The following AHI1 variants were observed in gnomAD, a reference collection of about 807,000 sequenced individuals.
AHI1 encodes the protein jouberin.
AHI1 carries 123 observed loss-of-function variants against 149.3 expected under a neutral mutation model. The observed-to-expected ratio is 0.82, with a 90% CI of 0.71 to 0.96. The LOEUF is 0.96. AHI1 is among the 40% of genes least tolerant of loss of function. AHI1 has a pLI of 0.00. For synonymous variants in AHI1, 475 were observed against 459.8 expected (o/e 1.03, Z -0.42); for missense variants, 1,439 against 1,422.7 (o/e 1.01, Z -0.18).
chr6:135,411,428 A>G lies in AHI1; in HGVS notation c.2881T>C (p.Phe961Leu). 1 of 1,613,834 alleles carries G rather than the reference A, an allele frequency of 6.2e-7. No homozygotes were observed. The highest frequency in any genetic ancestry group is 8.5e-7 in the Non-Finnish European group (1 of 1,179,766). ...TCPKLPHQGS[F>L]QIDEFVHTES... ...GTGTGGACAAATTCATCAATCTGAA[A>G]AGAGCCTTGATGGGGTAGTTTTGGA... is the stretch of plus-strand genomic sequence containing the variant. Residue 961 changes from phenylalanine to leucine, a missense_variant, in exon 21 of 29, where the codon TTT becomes CTT. Transcript: ENST00000265602.
At chr6:135,375,843 G>C (rs1775832137) in intron 23 of AHI1, among the ~76,000 whole-genome samples, 1 of 152,142 alleles carries the variant, frequency 6.6e-6, no homozygotes, top group Non-Finnish European at 1.5e-5. Context: ...AATAGTATCA[G>C]AGTTCTTTGG....
At chr6:135,285,971 T>C (rs1457425626) in intron 28 of AHI1, among the ~76,000 whole-genome samples, 1 of 152,122 alleles carries the variant, frequency 6.6e-6, no homozygotes. Flanking sequence ...CTTCCAGAAA[T>C]GAAGAGCAGG....
rs554716659 is a variant in AHI1 at position 135,344,373 on chromosome 6, T to C, written c.3165+13759A>G. On this transcript the variant is annotated intron_variant, in intron 24 of 28. Transcript: ENST00000265602. ...TAATTAGCTACAAATAATATAAATA[T>C]ATTTACATTAAAAATTTATATATAT... Among the ~76,000 whole-genome samples the C allele has an allele frequency of 1.8e-3, 279 of 151,064 alleles. 1 individual carries two copies. Among genetic ancestry groups the C allele is most frequent in the African/African-American group, 6.6e-3 (271 of 41,364 alleles).
chr6:135,436,106 C>T (rs1292002717), intron 15 of AHI1, among the ~76,000 whole-genome samples: 6 of 152,058 alleles, frequency 3.9e-5, no homozygotes, highest in Admixed American at 2.6e-4. Context: ...AAAAGGTGTG[C>T]GCTAGAAGTC....
intron 14 of AHI1, among the ~76,000 whole-genome samples, chr6:135,442,084 T>C (rs1244639207): frequency 6.6e-6 from 1 of 152,122 alleles, no homozygotes; most frequent in African/African-American, 2.4e-5. Context: ...ATGCTCACTT[T>C]AGAATGTCTC....
intron 26 of AHI1, among the ~76,000 whole-genome samples, chr6:135,310,783 T>C (rs1785092503): frequency 6.6e-6 from 1 of 152,212 alleles, no homozygotes; most frequent in Non-Finnish European, 1.5e-5. Context: ...TGCATACTTA[T>C]TACTGTACAT....
chr6:135,364,760 C>T (rs560440055), intron 23 of AHI1, among the ~76,000 whole-genome samples: 13 of 152,372 alleles, frequency 8.5e-5, no homozygotes, highest in Admixed American at 1.3e-4. Flanking sequence ...GGCGTGGCGG[C>T]GCACGCCTGC....
Position 135,466,377 on chromosome 6 carries a change from G to T in AHI1, c.190-4C>A. On this transcript the variant is annotated splice_polypyrimidine_tract_variant and splice_region_variant and intron_variant, in intron 6 of 28. Coordinates refer to ENST00000265602, the MANE Select transcript of AHI1 (RefSeq NM_001134831.2). ...GATTGCTTCTAATAGTGTCGGGCTA[G>T]GAAAAGAAGACATGATAACAAAGTT... 3 of 1,608,434 alleles carry T rather than the reference G, an allele frequency of 1.9e-6. No homozygotes were observed. Among genetic ancestry groups the T allele is most frequent in the Non-Finnish European group, 2.5e-6 (3 of 1,177,106 alleles).
At chr6:135,427,408 CAAT>C in intron 19 of AHI1, 101 bp from the exon 20 acceptor site, 1 of 977,006 alleles carries the variant, frequency 1.0e-6, no homozygotes, top group Non-Finnish European at 1.5e-6. Context: ...ATATTTATAG[CAAT>C]GATGCTCACA....
intron 26 of AHI1, chr6:135,300,815 CCAAA>C: frequency 1.0e-6 from 1 of 964,124 alleles, no homozygotes; most frequent in East Asian, 6.2e-5. Context: ...AGGTATGTGA[CCAAA>C]AAAAAAAAAA....
chr6:135,463,203 T>C lies in AHI1; in HGVS notation c.853A>G (p.Met285Val), dbSNP rs200389118. ...ATGCTGTCTTCTGTGCTTTGTTCCATTGAGCTTATTTCATCATCTTGATGA... is the reference window on the plus strand; with the variant it reads ...ATGCTGTCTTCTGTGCTTTGTTCCACTGAGCTTATTTCATCATCTTGATGA... ...DSHQDDEISSMEQSTEDSMQD... is the reference protein window; with the variant it reads ...DSHQDDEISSVEQSTEDSMQD... Residue 285 changes from methionine (M) to valine (V), a missense_variant, in exon 8 of 29, where the codon ATG (methionine) becomes GTG (valine). Physicochemically the swap from Met to Val is conservative, Grantham distance 21. Transcript: ENST00000265602. The C allele has an allele frequency of 1.9e-5, 30 of 1,610,136 alleles. No individual in the cohort carries two copies. The African/African-American group carries it at 2.0e-4, about 11-fold the overall frequency.
chr6:135,492,665 T>A, intron 3 of AHI1: 1 of 985,430 alleles, frequency 1.0e-6, no homozygotes, highest in Non-Finnish European at 1.2e-6. Flanking sequence ...TTGACTTTCC[T>A]AAGAGCATTC....
chr6:135,334,254 G>A (rs890159861), intron 24 of AHI1, among the ~76,000 whole-genome samples: 3 of 152,150 alleles, frequency 2.0e-5, no homozygotes, highest in Non-Finnish European at 4.4e-5. Flanking sequence ...TCGATGTGAT[G>A]ATGGGGCCTT....
At chr6:135,364,724 CA>C (rs1001845764) in intron 23 of AHI1, among the ~76,000 whole-genome samples, 9 of 152,174 alleles carry the variant, frequency 5.9e-5, no homozygotes, top group African/African-American at 2.2e-4. Flanking sequence ...TCCCCGTCTC[CA>C]CCAAAAAAAT....
At chr6:135,487,698 A>G (rs1447272256) in intron 5 of AHI1, among the ~76,000 whole-genome samples, 1 of 152,148 alleles carries the variant, frequency 6.6e-6, no homozygotes, top group Non-Finnish European at 1.5e-5. Context: ...TCTTCTGGCT[A>G]TTTTGAAATA....
chr6:135,347,882 C>T (rs1387153198), intron 24 of AHI1, among the ~76,000 whole-genome samples: 3 of 152,180 alleles, frequency 2.0e-5, no homozygotes, highest in African/African-American at 7.2e-5. Flanking sequence ...CATATGTTGC[C>T]ATAAGATAGT....
chr6:135,467,016 G>C (rs1171891746), intron 6 of AHI1, among the ~76,000 whole-genome samples: 4 of 152,144 alleles, frequency 2.6e-5, no homozygotes, highest in Admixed American at 2.6e-4. Context: ...ACAAGGAAGA[G>C]GAGGAGGGGA....
chr6:135,439,523 A>G (rs1785933763), intron 14 of AHI1, among the ~76,000 whole-genome samples: 1 of 152,212 alleles, frequency 6.6e-6, no homozygotes, highest in African/African-American at 2.4e-5. Flanking sequence ...ATGATAAAGT[A>G]CTTCCTTTGA....
chr6:135,374,777 C>T (rs1273564911), intron 23 of AHI1, among the ~76,000 whole-genome samples: 1 of 152,024 alleles, frequency 6.6e-6, no homozygotes, highest in Non-Finnish European at 1.5e-5. Context: ...CACAAAAGTC[C>T]AGGTGGCCCT....
Sources: gnomAD v4.1 joint callset for allele counts (sites outside exome capture counted in the v4.1 genomes callset) on GRCh38, gnomAD v4.1.1 for gene constraint, MANE v1.5 for transcripts, NCBI Gene and HGNC (gene_info 2026-07-23, HGNC 2026-07-21) for gene names.